PLAAT1: variants seen among roughly 807,000 people sequenced by gnomAD.
PLAAT1 encodes phospholipase A and acyltransferase 1, also known as H-REV107 protein-related protein.
In PLAAT1, 13 loss-of-function variants were observed where a neutral mutation model predicts 16.4. That is an observed-to-expected ratio of 0.79 (90% CI 0.52 to 1.26). The LOEUF (loss-of-function observed/expected upper bound fraction) is 1.26, where lower values mean the gene tolerates loss of function less well. Among genes scored for constraint, PLAAT1 ranks in the 50% most tolerant of loss-of-function variants. The pLI, the probability that PLAAT1 is intolerant of heterozygous loss-of-function variation, is 0.00. For missense variants in PLAAT1, 218 were observed against 207.8 expected (o/e 1.05, Z -0.30); for synonymous variants, 73 against 78.4 (o/e 0.93, Z 0.36).
chr3:193,264,554 A>T (rs771587394), intron 3 of PLAAT1, among the ~76,000 whole-genome samples: 82 of 150,322 alleles, frequency 5.5e-4, no homozygotes, highest in Non-Finnish European at 1.1e-3. Context: ...TCCAGGCTGG[A>T]GTGCAGTGGC....
At chr3:193,243,714 CT>C (rs1212942397) in intron 1 of PLAAT1, among the ~76,000 whole-genome samples, 1 of 152,200 alleles carries the variant, frequency 6.6e-6, no homozygotes, top group Non-Finnish European at 1.5e-5. Flanking sequence ...ACCTGTGCGA[CT>C]TTAGGTCTGG....
chr3:193,277,108 A>C (rs1228131484), intron 2 of PLAAT1, among the ~76,000 whole-genome samples: 1 of 152,216 alleles, frequency 6.6e-6, no homozygotes, highest in East Asian at 1.9e-4. Flanking sequence ...AATACGAGAC[A>C]GGACATTTTG....
intron 2 of PLAAT1, among the ~76,000 whole-genome samples, chr3:193,257,890 C>T (rs1027804316): frequency 5.3e-5 from 8 of 152,144 alleles, no homozygotes; most frequent in East Asian, 1.9e-4. Flanking sequence ...CTTGAACATC[C>T]GACTCCAAGT....
rs754459890 is a variant in PLAAT1 at position 193,263,085 on chromosome 3, A to G, written c.255A>G (p.Lys85=). 1.4e-5 allele frequency: 22 copies of G among 1,614,092 alleles called. No individual in the cohort carries two copies. The highest frequency in any genetic ancestry group is 1.9e-5 in the Non-Finnish European group (22 of 1,180,046). ...ATGACACATACAGAATAAACAATAA[A>G]TACGATGAAACGTACCCCCCTCTCC... is the stretch of plus-strand genomic sequence containing the variant. ...VGNDTYRINN[K]YDETYPPLPV... Residue 85 remains lysine (K), a synonymous_variant, in exon 3 of 4, where the codon AAA becomes AAG. Transcript: ENST00000264735.
chr3:193,279,230 C>A, downstream of PLAAT1: 1 of 634,862 alleles, frequency 1.6e-6, no homozygotes, highest in Non-Finnish European at 2.8e-6. Context: ...ATCTTATTTG[C>A]CCTTCTAGTA....
In PLAAT1 at chr3:193,263,146, A is replaced by G. The variant is rs755625845; in HGVS notation, c.316A>G (p.Ile106Val). 3 of 1,614,210 alleles carry G rather than the reference A, an allele frequency of 1.9e-6. No homozygotes were observed. The South Asian group carries it at 3.3e-5, about 18-fold the overall frequency. The change falls in exon 3 of 4, where the codon ATT becomes GTT. Residue 106 changes from isoleucine to valine, a missense_variant. Physicochemically the swap from Ile to Val is conservative, Grantham distance 29 (BLOSUM62 3). Transcript: ENST00000264735. Reference sequence around the variant, plus strand: ...AATCATAAAGCGGTCAGAGTTTGTAATTGGACAGGAGGTGGCCTATAACTT... The same window carrying G: ...AATCATAAAGCGGTCAGAGTTTGTAGTTGGACAGGAGGTGGCCTATAACTT... ...EEIIKRSEFV[I>V]GQEVAYNLLV...
downstream of PLAAT1, chr3:193,281,301 C>A: frequency 1.6e-6 from 1 of 635,000 alleles, no homozygotes; most frequent in Non-Finnish European, 2.0e-6. Flanking sequence ...GGGTGCACAT[C>A]ACTGTCTAAT....
intron 3 of PLAAT1, among the ~76,000 whole-genome samples, chr3:193,269,476 C>T (rs968721929): frequency 2.6e-5 from 4 of 152,276 alleles, no homozygotes; most frequent in African/African-American, 9.6e-5. Flanking sequence ...GCCCTTGTGC[C>T]TGTTCCTAAC....
At chr3:193,264,771 C>T (rs978381678) in intron 3 of PLAAT1, among the ~76,000 whole-genome samples, 2 of 152,224 alleles carry the variant, frequency 1.3e-5, no homozygotes, top group African/African-American at 4.8e-5. Flanking sequence ...CCTTGGCCTC[C>T]CACAGCGCTG....
chr3:193,247,840 G>T (rs1716036682), intron 1 of PLAAT1, among the ~76,000 whole-genome samples: 1 of 152,100 alleles, frequency 6.6e-6, no homozygotes, highest in Non-Finnish European at 1.5e-5. Context: ...TTTGCTTTGT[G>T]ATATATCATA....
downstream of PLAAT1, chr3:193,274,984 A>G (rs1034448483): frequency 1.3e-6 from 2 of 1,593,744 alleles, no homozygotes; most frequent in Non-Finnish European, 1.7e-6. Context: ...CTTCTCCACA[A>G]TGTGTTAATT....
intron 3 of PLAAT1, among the ~76,000 whole-genome samples, chr3:193,269,116 A>T (rs2108803720): frequency 6.6e-6 from 1 of 152,054 alleles, no homozygotes; most frequent in Admixed American, 6.6e-5. Flanking sequence ...TATATCCTGC[A>T]TCTCCCTGCC....
Position 193,241,235 on chromosome 3 carries a change from G to C in PLAAT1, c.-299G>C. 8.2e-7 allele frequency: 1 copy of C among 1,225,102 alleles called. No homozygotes were observed. Among genetic ancestry groups the C allele is most frequent in the Non-Finnish European group, 1.0e-6 (1 of 983,686 alleles). 75.9% of individuals were successfully genotyped at this position (1,225,102 alleles called of 1,614,324 possible). ...CGGCTCCCCATGGTCAGAGCCTCGT[G>C]CCGGCTCGGCAGCGCCCGGACGCCG... On this transcript the variant is annotated 5_prime_UTR_variant, in exon 1 of 4. Transcript: ENST00000264735.
chr3:193,240,818 G>A (rs1010457499), upstream of PLAAT1, among the ~76,000 whole-genome samples: 1 of 152,068 alleles, frequency 6.6e-6, no homozygotes, highest in Admixed American at 6.6e-5. Context: ...TTCTTGGGGT[G>A]CAGGTACCAT....
At chr3:193,280,669 C>T, downstream of PLAAT1, among the ~76,000 whole-genome samples, 1 of 152,212 alleles carries the variant, frequency 6.6e-6, no homozygotes, top group East Asian at 1.9e-4. Context: ...ACCTCACCCA[C>T]TCCTCTGTCA....
chr3:193,280,405 C>G (rs1163278948), downstream of PLAAT1, among the ~76,000 whole-genome samples: 6 of 152,116 alleles, frequency 3.9e-5, no homozygotes, highest in Non-Finnish European at 7.4e-5. Flanking sequence ...GAGTAATACT[C>G]CCTTACAAAA....
chr3:193,253,767 T>C (rs1352056079), intron 1 of PLAAT1, among the ~76,000 whole-genome samples: 1 of 152,180 alleles, frequency 6.6e-6, no homozygotes, highest in Non-Finnish European at 1.5e-5. Context: ...TTTCAGTGGG[T>C]ATTTTCCAAA....
intron 1 of PLAAT1, among the ~76,000 whole-genome samples, chr3:193,249,414 CT>C (rs753059314): frequency 3.3e-5 from 5 of 152,130 alleles, no homozygotes; most frequent in Non-Finnish European, 5.9e-5. Context: ...GAAACTGCAA[CT>C]TTAACCAAAA....
chr3:193,262,885 G>A (rs1223265515), intron 2 of PLAAT1, 85 bp from the exon 3 acceptor site: 7 of 1,368,908 alleles, frequency 5.1e-6, no homozygotes, highest in Admixed American at 1.9e-5. Flanking sequence ...GTTTAGACAT[G>A]CCAGCATTTC....
Sources: gnomAD v4.1 joint callset for allele counts (sites outside exome capture counted in the v4.1 genomes callset) on GRCh38, gnomAD v4.1.1 for gene constraint, MANE v1.5 for transcripts, NCBI Gene and HGNC (gene_info 2026-07-23, HGNC 2026-07-21) for gene names.